The following KIF6 variants were observed in gnomAD, a reference collection of about 807,000 sequenced individuals.
KIF6 encodes the protein kinesin family member 6.
In KIF6, 106 loss-of-function variants were observed where a neutral mutation model predicts 112.7. The ratio of observed to expected loss-of-function variants is 0.94; its 90% CI spans 0.80 to 1.11. The LOEUF is 1.11. Ranked by LOEUF, KIF6 falls within the 50% of genes least tolerant of loss-of-function variation. The pLI, the probability that KIF6 is intolerant of heterozygous loss-of-function variation, is 0.00. For synonymous variants in KIF6, 339 were observed against 339.9 expected (o/e 1.00, Z 0.03); for missense variants, 929 against 964.0 (o/e 0.96, Z 0.48).
At chr6:39,460,536 T>TAAAAAAAAAAAAAAAAAAAAAAAAAG (rs759528125) in intron 13 of KIF6, among the ~76,000 whole-genome samples, 1 of 57,078 alleles carries the variant, frequency 1.8e-5, no homozygotes, top group African/African-American at 7.3e-5. Flanking sequence ...AAAAAAAAAG[T>TAAAAAAAAAAAAAAAAAAAAAAAAAG]AAAAAAAAAA....
At chr6:39,530,851 AT>A (rs984078684) in intron 13 of KIF6, among the ~76,000 whole-genome samples, 1 of 152,118 alleles carries the variant, frequency 6.6e-6, no homozygotes, top group Non-Finnish European at 1.5e-5. Context: ...ATACTTATTA[AT>A]TTTTTTGTAT....
At chr6:39,707,931 T>C (rs1789309226) in intron 3 of KIF6, among the ~76,000 whole-genome samples, 1 of 152,212 alleles carries the variant, frequency 6.6e-6, no homozygotes, top group African/African-American at 2.4e-5. Context: ...ATTGGATTAT[T>C]TGACTTGATG....
chr6:39,391,095 C>T (rs1767851148), intron 15 of KIF6, among the ~76,000 whole-genome samples: 1 of 152,160 alleles, frequency 6.6e-6, no homozygotes, highest in South Asian at 2.1e-4. Context: ...TCAGGAACTA[C>T]CTCTTCTCAC....
At chr6:39,635,451 A>G (rs891582586) in intron 4 of KIF6, among the ~76,000 whole-genome samples, 4 of 152,082 alleles carry the variant, frequency 2.6e-5, no homozygotes, top group African/African-American at 7.2e-5. Flanking sequence ...TTCTGATGAC[A>G]TAAATAGATA....
intron 13 of KIF6, among the ~76,000 whole-genome samples, chr6:39,499,693 T>A (rs1382607498): frequency 6.6e-6 from 1 of 152,174 alleles, no homozygotes; most frequent in Non-Finnish European, 1.5e-5. Flanking sequence ...ACATCCTCCC[T>A]TCCCCCTTGA....
chr6:39,519,141 G>T (rs1448687735), intron 13 of KIF6, among the ~76,000 whole-genome samples: 2 of 152,100 alleles, frequency 1.3e-5, no homozygotes, highest in African/African-American at 4.8e-5. Flanking sequence ...GGGGGGTACC[G>T]AGACAGAAAA....
chr6:39,523,638 A>T (rs1777522596), intron 13 of KIF6, among the ~76,000 whole-genome samples: 3 of 92,962 alleles, frequency 3.2e-5, no homozygotes, highest in South Asian at 4.0e-4. Flanking sequence ...TCCCCTATTA[A>T]TTCTGCCATA....
intron 13 of KIF6, among the ~76,000 whole-genome samples, chr6:39,512,471 T>C (rs1271770360): frequency 6.6e-6 from 1 of 152,174 alleles, no homozygotes; most frequent in African/African-American, 2.4e-5. Flanking sequence ...TTGACCATGG[T>C]AGGCTGCACA....
intron 15 of KIF6, among the ~76,000 whole-genome samples, chr6:39,398,678 A>G (rs1463034451): frequency 6.6e-6 from 1 of 152,232 alleles, no homozygotes; most frequent in Non-Finnish European, 1.5e-5. Flanking sequence ...TAGATGTTCT[A>G]TTTAGTATTC....
At chr6:39,491,278 C>T (rs1775468240) in intron 13 of KIF6, among the ~76,000 whole-genome samples, 2 of 151,976 alleles carry the variant, frequency 1.3e-5, no homozygotes, top group African/African-American at 4.8e-5. Flanking sequence ...TGTGAGAACG[C>T]TCACACAGAG....
chr6:39,362,147 G>A (rs1425169057), intron 17 of KIF6, among the ~76,000 whole-genome samples: 1 of 152,084 alleles, frequency 6.6e-6, no homozygotes, highest in Non-Finnish European at 1.5e-5. Flanking sequence ...ATAGGCACGC[G>A]GAAAACCACC....
At chr6:39,689,382 G>C (rs1427140423) in intron 3 of KIF6, among the ~76,000 whole-genome samples, 1 of 151,970 alleles carries the variant, frequency 6.6e-6, no homozygotes, top group Non-Finnish European at 1.5e-5. Flanking sequence ...TGTGGTCCCA[G>C]CTACTTAGAA....
intron 14 of KIF6, among the ~76,000 whole-genome samples, chr6:39,426,223 A>C (rs2150373824): frequency 6.6e-6 from 1 of 152,298 alleles, no homozygotes; most frequent in South Asian, 2.1e-4. Context: ...TGCCTGGAAA[A>C]TGTGATTGTG....
At position 39,463,558 on chromosome 6, in the gene KIF6, A is replaced by C. The variant is rs12661537; in HGVS notation, c.1646-32397T>G. Among the ~76,000 whole-genome samples the C allele has an allele frequency of 8.8e-3, 1,345 of 152,356 alleles. 10 individuals carry two copies. The highest frequency in any genetic ancestry group is 0.024 in the Middle Eastern group (7 of 294). On this transcript the variant is annotated intron_variant, in intron 13 of 22. Transcript: ENST00000287152. Reference sequence around the variant, plus strand: ...TGTTTAGATCTATTTAACATCATTGAAATTATAAAAGTGTACTCATCTTTT... The same window carrying C: ...TGTTTAGATCTATTTAACATCATTGCAATTATAAAAGTGTACTCATCTTTT...
Position 39,479,256 on chromosome 6 carries a change from C to T in KIF6, c.1646-48095G>A, listed in dbSNP as rs115669986. ...CAAGTCTTAGATTTAAGTCCTTGAT[C>T]TGTCTTGAGCTGATTTTTATGTAAG... On this transcript the variant is annotated intron_variant, in intron 13 of 22. Transcript: ENST00000287152. 3.9e-3 allele frequency among the ~76,000 whole-genome samples: 598 copies of T among 152,266 alleles called. 1 individual carries two copies. The highest frequency in any genetic ancestry group is 0.013 in the African/African-American group (559 of 41,550).
chr6:39,679,068 G>A (rs963059590), intron 3 of KIF6, among the ~76,000 whole-genome samples: 1 of 152,114 alleles, frequency 6.6e-6, no homozygotes, highest in Admixed American at 6.5e-5. Flanking sequence ...TAATATGTTG[G>A]GCTAAATTTA....
intron 18 of KIF6, among the ~76,000 whole-genome samples, chr6:39,358,586 C>CCCTCCACT (rs1413259784): frequency 3.3e-5 from 5 of 152,190 alleles, no homozygotes; most frequent in African/African-American, 1.2e-4. Context: ...CCTTGTCGAC[C>CCCTCCACT]GGTCAGTGGT....
chr6:39,393,345 A>T (rs991202109), intron 15 of KIF6, among the ~76,000 whole-genome samples: 5 of 152,234 alleles, frequency 3.3e-5, no homozygotes, highest in Non-Finnish European at 5.9e-5. Flanking sequence ...AACCTCCTGC[A>T]AGTGACTGAA....
chr6:39,712,697 A>C (rs2113872367), intron 3 of KIF6, among the ~76,000 whole-genome samples: 1 of 152,236 alleles, frequency 6.6e-6, no homozygotes, highest in Non-Finnish European at 1.5e-5. Flanking sequence ...ACCCCATCTC[A>C]CAAGACAGAA....
Sources: allele counts gnomAD v4.1 joint callset (sites outside exome capture counted in the v4.1 genomes callset), GRCh38; gene constraint gnomAD v4.1.1; transcripts MANE v1.5; gene names NCBI Gene and HGNC (gene_info 2026-07-23, HGNC 2026-07-21).